The following NNT variants were observed in gnomAD, a reference collection of about 807,000 sequenced individuals.
NNT encodes the protein nicotinamide nucleotide transhydrogenase.
A neutral mutation model predicts 104.8 loss-of-function variants in NNT; 50 were observed. The observed-to-expected ratio is 0.48, with a 90% CI of 0.38 to 0.60. The LOEUF (loss-of-function observed/expected upper bound fraction) is 0.60, where lower values mean the gene tolerates loss of function less well. NNT is among the 20% of genes least tolerant of loss of function. The pLI is 0.00. For synonymous variants in NNT, 461 were observed against 490.4 expected (o/e 0.94, Z 0.79); for missense variants, 1,131 against 1,330.7 (o/e 0.85, Z 2.33).
At position 43,645,485 on chromosome 5, in the gene NNT, G is replaced by A. The variant is rs1739338558; in HGVS notation, c.1419G>A (p.Met473Ile). The change falls in exon 10 of 22, where the codon ATG (methionine) becomes ATA (isoleucine). Residue 473 changes from methionine (M) to isoleucine (I), a missense_variant. Met to Ile is a conservative substitution (Grantham distance 10). Coordinates refer to ENST00000344920, the MANE Select transcript of NNT (RefSeq NM_182977.3). ...AATITPFRKT[M>I]STASAYTAGL... Reference sequence around the variant, plus strand: ...CCATTACACCCTTCAGGAAGACAATGTCAACGGCTTCTGCATATACAGCAG... The same window carrying A: ...CCATTACACCCTTCAGGAAGACAATATCAACGGCTTCTGCATATACAGCAG... The A allele has an allele frequency of 6.4e-7, 1 of 1,563,592 alleles. No individual in the cohort carries two copies. Among genetic ancestry groups the A allele is most frequent in the South Asian group, 1.2e-5 (1 of 82,918 alleles).
chr5:43,632,655 G>A (rs1007667507), intron 7 of NNT, among the ~76,000 whole-genome samples: 4 of 152,124 alleles, frequency 2.6e-5, no homozygotes, highest in South Asian at 4.1e-4. Flanking sequence ...TGACAGCCCC[G>A]CTTTGTGGTG....
At chr5:43,662,446 G>A (rs1303898264) in intron 17 of NNT, among the ~76,000 whole-genome samples, 1 of 151,882 alleles carries the variant, frequency 6.6e-6, no homozygotes, top group Non-Finnish European at 1.5e-5. Flanking sequence ...ACTGCCACAG[G>A]CATGCCACTT....
chr5:43,645,307 G>A, intron 9 of NNT, 50 bp from the exon 10 acceptor site: 6 of 1,268,504 alleles, frequency 4.7e-6, no homozygotes, highest in Non-Finnish European at 6.2e-6. Context: ...AAGCAATTTT[G>A]AAATGCTGGA....
intron 2 of NNT, among the ~76,000 whole-genome samples, chr5:43,611,090 C>G (rs903464129): frequency 1.4e-5 from 2 of 139,606 alleles, no homozygotes; most frequent in Non-Finnish European, 3.1e-5. Flanking sequence ...CTCCCTCCCT[C>G]CCTGCCTCCC....
chr5:43,625,081 G>C (rs1411248220), intron 6 of NNT, among the ~76,000 whole-genome samples: 1 of 152,164 alleles, frequency 6.6e-6, no homozygotes, highest in African/African-American at 2.4e-5. Context: ...ACCAAGGATA[G>C]CTAGAGTTAA....
chr5:43,622,190 G>A (rs112368530), intron 5 of NNT, among the ~76,000 whole-genome samples: 78 of 152,280 alleles, frequency 5.1e-4, no homozygotes, highest in African/African-American at 1.9e-3. Flanking sequence ...CTGGATTAGG[G>A]ATGATCTTTG....
chr5:43,616,694 C>G (rs1439648248), intron 4 of NNT, among the ~76,000 whole-genome samples: 8 of 152,022 alleles, frequency 5.3e-5, no homozygotes, highest in Non-Finnish European at 1.0e-4. Context: ...GAGAAGGATT[C>G]TAAGGCCCAT....
rs1252888129 is a variant in NNT at position 43,645,439 on chromosome 5, T to C, written c.1373T>C (p.Leu458Pro). The C allele has an allele frequency of 6.3e-7, 1 of 1,575,394 alleles. No homozygotes were observed. The highest frequency in any genetic ancestry group is 8.6e-7 in the Non-Finnish European group (1 of 1,159,600). ...GTAAAACAGAAGACAGTGGCTGAGC[T>C]GGAAGCTGAAAAAGCAGCTACCATT... Reference protein sequence around the residue: ...APVKQKTVAELEAEKAATITP... With the variant: ...APVKQKTVAEPEAEKAATITP... Residue 458 changes from leucine to proline, a missense_variant, in exon 10 of 22, where the codon CTG becomes CCG. Leu to Pro is a moderately conservative substitution (Grantham distance 98). Transcript: ENST00000344920.
intron 19 of NNT, among the ~76,000 whole-genome samples, chr5:43,692,265 C>T (rs1321641389): frequency 6.6e-6 from 1 of 152,064 alleles, no homozygotes; most frequent in Admixed American, 6.6e-5. Context: ...CTCTTTAAGA[C>T]CATGCAAATA....
chr5:43,612,874 A>AAT (rs780604778), intron 2 of NNT, 34 bp from the exon 3 acceptor site: 95 of 1,412,462 alleles, frequency 6.7e-5, no homozygotes, highest in Non-Finnish European at 8.5e-5. Flanking sequence ...TTTTTTACCA[A>AAT]ATATATATTT....
chr5:43,657,196 C>T (rs913054971), intron 16 of NNT, among the ~76,000 whole-genome samples: 1 of 152,194 alleles, frequency 6.6e-6, no homozygotes, highest in African/African-American at 2.4e-5. Context: ...AAGATAGTCT[C>T]TGCCCACCAG....
At chr5:43,649,043 G>C in intron 10 of NNT, 104 bp from the exon 11 acceptor site, 1 of 1,302,206 alleles carries the variant, frequency 7.7e-7, no homozygotes, top group Non-Finnish European at 1.1e-6. Flanking sequence ...CAAGGGAGTG[G>C]AATTTAAAAG....
rs1170739593 is a variant in NNT at position 43,706,380 on chromosome 5, T to C, written c.*1976T>C. On this transcript the variant is annotated 3_prime_UTR_variant, in exon 22 of 22. Transcript: ENST00000344920. ...TCATACAATTGGTAGATATGACTTA[T>C]TTTATTTTTGTATTATTCACTATAT... The C allele has an allele frequency of 6.6e-6, 1 of 151,880 alleles. No homozygotes were observed. Among genetic ancestry groups the C allele is most frequent in the Non-Finnish European group, 1.5e-5 (1 of 67,924 alleles). The allele number at this position is 151,880 out of a possible 1,614,324, so 9.4% of individuals were successfully genotyped here.
At chr5:43,643,329 G>A (rs2111816221) in intron 7 of NNT, among the ~76,000 whole-genome samples, 1 of 152,264 alleles carries the variant, frequency 6.6e-6, no homozygotes, top group South Asian at 2.1e-4. Context: ...GACAGTATAA[G>A]CCCCTGTTGA....
intron 17 of NNT, among the ~76,000 whole-genome samples, chr5:43,671,471 C>G (rs1423476530): frequency 6.6e-6 from 1 of 152,208 alleles, no homozygotes; most frequent in East Asian, 1.9e-4. Context: ...TCTTGTAAGG[C>G]AGGCCTGGCG....
chr5:43,609,586 C>A (rs1160988993), intron 2 of NNT, among the ~76,000 whole-genome samples: 1 of 152,194 alleles, frequency 6.6e-6, no homozygotes, highest in Non-Finnish European at 1.5e-5. Context: ...AAAAGATAAA[C>A]CAGTTGAGTT....
intron 17 of NNT, among the ~76,000 whole-genome samples, chr5:43,669,204 T>C (rs1361197144): frequency 2.0e-5 from 3 of 152,178 alleles, no homozygotes; most frequent in Non-Finnish European, 4.4e-5. Context: ...GTTTTCTAGA[T>C]ATACAATCAT....
intron 1 of NNT, among the ~76,000 whole-genome samples, chr5:43,606,133 A>G (rs1207740586): frequency 6.6e-6 from 1 of 152,160 alleles, no homozygotes; most frequent in East Asian, 1.9e-4. Flanking sequence ...GATTTGGACA[A>G]TACAGGACTC....
chr5:43,618,076 T>A (rs1385058068), intron 4 of NNT, among the ~76,000 whole-genome samples: 2 of 152,204 alleles, frequency 1.3e-5, no homozygotes, highest in African/African-American at 2.4e-5. Flanking sequence ...TAAATTGCTA[T>A]GAAAATGAAA....
Sources: gnomAD v4.1 joint callset for allele counts (sites outside exome capture counted in the v4.1 genomes callset) on GRCh38, gnomAD v4.1.1 for gene constraint, MANE v1.5 for transcripts, NCBI Gene and HGNC (gene_info 2026-07-23, HGNC 2026-07-21) for gene names.